The following CRTC3 variants were observed in gnomAD, a reference collection of about 807,000 sequenced individuals.
CRTC3 encodes the protein CREB-regulated transcription coactivator 3.
CRTC3 carries 26 observed loss-of-function variants against 74.5 expected under a neutral mutation model. The observed-to-expected ratio is 0.35, with a 90% confidence interval of 0.26 to 0.48. The LOEUF (loss-of-function observed/expected upper bound fraction) is 0.48. Among genes scored for constraint, CRTC3 ranks in the 20% least tolerant of loss-of-function variants. The pLI, the probability that CRTC3 is intolerant of heterozygous loss-of-function variation, is 0.99. For synonymous variants in CRTC3, 377 were observed against 325.8 expected (o/e 1.16, Z -1.69); for missense variants, 760 against 787.3 (o/e 0.97, Z 0.41).
chr15:90,621,947 C>T (rs939266761), intron 9 of CRTC3, among the ~76,000 whole-genome samples: 2 of 152,098 alleles, frequency 1.3e-5, no homozygotes, highest in Non-Finnish European at 2.9e-5. Flanking sequence ...GCAAGATGGG[C>T]AGAAACAAAT....
chr15:90,607,280 T>C (rs1968247356), intron 5 of CRTC3, 98 bp from the exon 6 acceptor site: 1 of 725,798 alleles, frequency 1.4e-6, no homozygotes, highest in Non-Finnish European at 2.4e-6. Context: ...AAATCAGTTA[T>C]TCTTGCCTTC....
At chr15:90,584,535 C>T (rs942880449) in intron 2 of CRTC3, among the ~76,000 whole-genome samples, 5 of 152,172 alleles carry the variant, frequency 3.3e-5, no homozygotes. Flanking sequence ...CCGTGCCCGG[C>T]CCCCAGCAGA....
At chr15:90,551,968 A>ACACACAC (rs397814800) in intron 2 of CRTC3, among the ~76,000 whole-genome samples, 1 of 149,302 alleles carries the variant, frequency 6.7e-6, no homozygotes, top group African/African-American at 2.4e-5. Flanking sequence ...ACACACACAC[A>ACACACAC]AATGTCTTCT....
chr15:90,626,439 AC>A lies in CRTC3; in HGVS notation c.967+447del, dbSNP rs551005739. The stretch of plus-strand genomic sequence containing the variant: ...CAGTGGATATGATGAAAATATTTAT[AC>A]TTAATATCTGTGTGTGAAGTAGAAA... On this transcript the variant is annotated intron_variant, in intron 10 of 14. Coordinates refer to ENST00000268184, the MANE Select transcript of CRTC3 (RefSeq NM_022769.5). Among the ~76,000 whole-genome samples, 252 of 152,294 alleles carry A rather than the reference AC, an allele frequency of 1.7e-3. 1 individual carries two copies. Among genetic ancestry groups the A allele is most frequent in the African/African-American group, 5.9e-3 (246 of 41,556 alleles).
At position 90,529,928 on chromosome 15, in the gene CRTC3, C is replaced by T. The variant is rs1468755712; in HGVS notation, c.-144C>T. The T allele has an allele frequency of 1.2e-5, 6 of 506,718 alleles. No individual in the cohort carries two copies. The highest frequency in any genetic ancestry group is 1.6e-5 in the Non-Finnish European group (6 of 386,306). The allele number at this position is 506,718 out of a possible 1,614,324, so 31.4% of individuals were successfully genotyped here. A position where few individuals can be genotyped will look rare whatever the true frequency, so the allele number is the denominator to read the frequency against. The stretch of plus-strand genomic sequence containing the variant: ...CGCGCTCCCGGCCGCTCGCTGGCTC[C>T]GGGGCCGCGGCGGCTCCTCTGCCGG... On this transcript the variant is annotated 5_prime_UTR_variant, in exon 1 of 15. Transcript: ENST00000268184.
chr15:90,585,907 G>A (rs1967648443), intron 2 of CRTC3, among the ~76,000 whole-genome samples: 1 of 152,114 alleles, frequency 6.6e-6, no homozygotes, highest in South Asian at 2.1e-4. Flanking sequence ...ATCCATTTTT[G>A]TTATTTAGGG....
chr15:90,634,732 G>C (rs755740637), intron 11 of CRTC3: 1 of 806,658 alleles, frequency 1.2e-6, no homozygotes, highest in Admixed American at 1.8e-5. Context: ...GTCATGGCAG[G>C]ACAAGCGTGT....
chr15:90,586,953 C>G lies in CRTC3; in HGVS notation c.232-6683C>G, dbSNP rs16944594. 5.3e-3 allele frequency among the ~76,000 whole-genome samples: 805 copies of G among 152,342 alleles called. 4 individuals are homozygous for G. The highest frequency in any genetic ancestry group is 0.019 in the African/African-American group (778 of 41,560). The stretch of plus-strand genomic sequence containing the variant: ...TCTTGGACTTCAGCTCATTTCCTAA[C>G]TTAGCGTGGGCTTATGTAGGAATCT... On this transcript the variant is annotated intron_variant, in intron 2 of 14. Coordinates refer to ENST00000268184, the MANE Select transcript of CRTC3 (RefSeq NM_022769.5).
chr15:90,544,002 C>T (rs1013658635), intron 2 of CRTC3, among the ~76,000 whole-genome samples: 8 of 152,096 alleles, frequency 5.3e-5, no homozygotes, highest in South Asian at 2.1e-4. Context: ...TGGGTGGTTG[C>T]GTGTGTTAGT....
intron 2 of CRTC3, among the ~76,000 whole-genome samples, chr15:90,541,153 A>G (rs1457081734): frequency 6.6e-6 from 1 of 152,228 alleles, no homozygotes; most frequent in Admixed American, 6.5e-5. Flanking sequence ...CCTGAATTAG[A>G]CCTGCTTAGA....
intron 2 of CRTC3, among the ~76,000 whole-genome samples, chr15:90,571,350 T>G (rs1422117210): frequency 6.6e-6 from 1 of 152,108 alleles, no homozygotes; most frequent in Non-Finnish European, 1.5e-5. Flanking sequence ...GTGACTAAGC[T>G]GGGACCTGAG....
chr15:90,642,976 C>A lies in CRTC3; in HGVS notation c.*836C>A, dbSNP rs912558740. 1 of 232,634 alleles carries A rather than the reference C, an allele frequency of 4.3e-6. No homozygotes were observed. Among genetic ancestry groups the A allele is most frequent in the African/African-American group, 2.2e-5 (1 of 45,296 alleles). 14.4% of individuals were successfully genotyped at this position (232,634 alleles called of 1,614,324 possible). On this transcript the variant is annotated 3_prime_UTR_variant, in exon 15 of 15. Coordinates refer to ENST00000268184, the MANE Select transcript of CRTC3 (RefSeq NM_022769.5). Reference sequence around the variant, plus strand: ...CTCCAGACAAGCACAGACCTCCCCACTAAGAGCAGCCAGAGGGAGCTGGTG... The same window carrying A: ...CTCCAGACAAGCACAGACCTCCCCAATAAGAGCAGCCAGAGGGAGCTGGTG...
intron 2 of CRTC3, among the ~76,000 whole-genome samples, chr15:90,557,347 G>A (rs1021670324): frequency 2.0e-5 from 3 of 152,002 alleles, no homozygotes; most frequent in East Asian, 1.9e-4. Flanking sequence ...TTGCTTTCTC[G>A]CCCTTTGCTG....
chr15:90,626,065 G>A, intron 10 of CRTC3, 72 bp downstream of exon 10: 2 of 1,099,792 alleles, frequency 1.8e-6, no homozygotes, highest in Non-Finnish European at 2.8e-6. Flanking sequence ...GGCCTGTTCA[G>A]TGAATCATTG....
At chr15:90,636,096 C>T (rs1380790257) in intron 11 of CRTC3, among the ~76,000 whole-genome samples, 1 of 152,092 alleles carries the variant, frequency 6.6e-6, no homozygotes, top group South Asian at 2.1e-4. Flanking sequence ...CCCACATTGC[C>T]AAGTCAATCC....
intron 2 of CRTC3, among the ~76,000 whole-genome samples, chr15:90,582,358 C>CT (rs1463183698): frequency 1.3e-5 from 2 of 152,152 alleles, no homozygotes; most frequent in East Asian, 1.9e-4. Flanking sequence ...AGTAAAGTGC[C>CT]TTTAGAGGCT....
chr15:90,569,738 G>A (rs1223435996), intron 2 of CRTC3, among the ~76,000 whole-genome samples: 2 of 151,626 alleles, frequency 1.3e-5, no homozygotes, highest in Non-Finnish European at 2.9e-5. Context: ...ACCCCGCCAT[G>A]CCTGGCTAAT....
intron 5 of CRTC3, among the ~76,000 whole-genome samples, chr15:90,606,390 C>T (rs1027441358): frequency 5.3e-5 from 8 of 152,044 alleles, no homozygotes; most frequent in African/African-American, 1.4e-4. Flanking sequence ...GGTGAAACCC[C>T]GTCTCTACTA....
chr15:90,564,570 C>CA (rs1433682701), intron 2 of CRTC3, among the ~76,000 whole-genome samples: 2 of 152,184 alleles, frequency 1.3e-5, no homozygotes, highest in African/African-American at 4.8e-5. Context: ...CTAGTCCCTG[C>CA]AGTTACTACT....
Sources: allele counts gnomAD v4.1 joint callset (sites outside exome capture counted in the v4.1 genomes callset), GRCh38; gene constraint gnomAD v4.1.1; transcripts MANE v1.5; gene names NCBI Gene and HGNC (gene_info 2026-07-23, HGNC 2026-07-21).